Variants in PTK2 observed in about 807,000 individuals in gnomAD.
PTK2 encodes protein tyrosine kinase 2, also known as focal adhesion kinase 1.
Under a neutral mutation model 150.1 loss-of-function variants are expected in PTK2, and 45 were observed. That is an observed-to-expected ratio of 0.30 (90% CI 0.24 to 0.38). PTK2 has a LOEUF of 0.38. PTK2 is among the 10% of genes least tolerant of loss of function. The pLI, the probability that PTK2 is intolerant of heterozygous loss-of-function variation, is 1.00. For missense variants in PTK2, 919 were observed against 1,307.3 expected, an observed-to-expected ratio of 0.70 and a Z score of 4.58; for synonymous variants, 432 against 449.2, an observed-to-expected ratio of 0.96 and a Z score of 0.48.
intron 1 of PTK2, chr8:140,940,601 G>A (rs1016038766): frequency 6.6e-6 from 1 of 152,176 alleles, no homozygotes. Flanking sequence ...GCTAAGCAGC[G>A]TGGGGCCTGG....
At chr8:140,800,620 C>T in intron 11 of PTK2, 44 bp from the exon 12 acceptor site, 1 of 1,492,944 alleles carries the variant, frequency 6.7e-7, no homozygotes, top group Non-Finnish European at 9.3e-7. Flanking sequence ...TTGTTCTTCC[C>T]AGTAAGCAAA....
chr8:140,713,674 C>T (rs896421123), intron 23 of PTK2, among the ~76,000 whole-genome samples: 1 of 152,156 alleles, frequency 6.6e-6, no homozygotes, highest in Non-Finnish European at 1.5e-5. Context: ...TGGGAATCTG[C>T]AGGAAAGCAA....
intron 26 of PTK2, among the ~76,000 whole-genome samples, chr8:140,698,746 C>G (rs146493123): frequency 2.1e-4 from 32 of 152,306 alleles, no homozygotes; most frequent in African/African-American, 7.2e-4. Context: ...TCCTGAATAG[C>G]TGGGATTACA....
chr8:140,673,823 A>T (rs1032546367), intron 29 of PTK2, among the ~76,000 whole-genome samples: 1 of 152,152 alleles, frequency 6.6e-6, no homozygotes, highest in Non-Finnish European at 1.5e-5. Context: ...TGGTTTGAGG[A>T]TGGCTCTACT....
intron 3 of PTK2, among the ~76,000 whole-genome samples, chr8:140,888,767 T>C (rs1399034710): frequency 8.2e-6 from 1 of 121,690 alleles, no homozygotes; most frequent in Admixed American, 7.8e-5. Flanking sequence ...GTCTTGAACA[T>C]TTTTGCTAAA....
chr8:140,879,966 C>T (rs374842853), intron 3 of PTK2, among the ~76,000 whole-genome samples: 8 of 152,226 alleles, frequency 5.3e-5, no homozygotes, highest in South Asian at 4.1e-4. Context: ...GTCATCACCC[C>T]CCAACCTGTC....
intron 8 of PTK2, among the ~76,000 whole-genome samples, chr8:140,828,346 G>C (rs770296152): frequency 6.6e-6 from 1 of 152,124 alleles, no homozygotes; most frequent in African/African-American, 2.4e-5. Context: ...GTCCTCTACC[G>C]AACCTCTTTG....
intron 7 of PTK2, among the ~76,000 whole-genome samples, chr8:140,834,098 C>T (rs2100117206): frequency 6.6e-6 from 1 of 152,214 alleles, no homozygotes; most frequent in South Asian, 2.1e-4. Flanking sequence ...CTAGGTGGGG[C>T]AGTCACAGAA....
chr8:140,889,216 T>C (rs1486639829), intron 3 of PTK2, among the ~76,000 whole-genome samples: 1 of 152,090 alleles, frequency 6.6e-6, no homozygotes, highest in African/African-American at 2.4e-5. Context: ...TACAAGACTT[T>C]AGCCTTAAAT....
At chr8:140,812,442 A>G (rs2100102152) in intron 10 of PTK2, among the ~76,000 whole-genome samples, 1 of 152,230 alleles carries the variant, frequency 6.6e-6, no homozygotes, top group South Asian at 2.1e-4. Flanking sequence ...AACCATCACA[A>G]AAACACAGAC....
chr8:140,660,838 CCTT>C (rs1366298667), intron 31 of PTK2, among the ~76,000 whole-genome samples: 1 of 152,186 alleles, frequency 6.6e-6, no homozygotes, highest in Non-Finnish European at 1.5e-5. Context: ...GTCTCATGAT[CCTT>C]CTTATCTGTT....
At chr8:140,967,651 G>C (rs941609815) in intron 1 of PTK2, among the ~76,000 whole-genome samples, 1 of 151,848 alleles carries the variant, frequency 6.6e-6, no homozygotes, top group South Asian at 2.1e-4. Context: ...GTAGAGACAG[G>C]GTTTCACCAT....
intron 22 of PTK2, among the ~76,000 whole-genome samples, chr8:140,721,032 T>C (rs1427119387): frequency 1.3e-5 from 2 of 151,618 alleles, no homozygotes; most frequent in Non-Finnish European, 2.9e-5. Flanking sequence ...GCTGGGATTA[T>C]AGGCATGAGC....
At chr8:140,779,985 A>C (rs1267354647) in intron 14 of PTK2, among the ~76,000 whole-genome samples, 1 of 152,196 alleles carries the variant, frequency 6.6e-6, no homozygotes, top group Admixed American at 6.5e-5. Context: ...TGAAAAACAC[A>C]CAAATTCATA....
chr8:140,993,823 A>G (rs747284402), intron 1 of PTK2, among the ~76,000 whole-genome samples: 1 of 152,026 alleles, frequency 6.6e-6, no homozygotes, highest in African/African-American at 2.4e-5. Flanking sequence ...TCGACCTCCC[A>G]GACTCAAGTG....
chr8:140,913,006 C>A (rs1161428072), intron 2 of PTK2, among the ~76,000 whole-genome samples: 1 of 151,974 alleles, frequency 6.6e-6, no homozygotes, highest in African/African-American at 2.4e-5. Flanking sequence ...CTAGAGTTAA[C>A]AAACTTAACA....
At chr8:140,929,277 C>T (rs75828494) in intron 1 of PTK2, among the ~76,000 whole-genome samples, 1,831 of 152,178 alleles carry the variant, frequency 0.012, 33 homozygotes, top group East Asian at 0.093. Context: ...AATTTTTTAA[C>T]TTAAAAAATG....
intron 27 of PTK2, among the ~76,000 whole-genome samples, chr8:140,677,029 T>C (rs1050922489): frequency 5.9e-5 from 9 of 151,534 alleles, no homozygotes; most frequent in Admixed American, 1.3e-4. Flanking sequence ...ACTTCACCAC[T>C]ATGCAATATA....
In PTK2 at chr8:140,796,778, G is replaced by A. The variant is rs146368977; in HGVS notation, c.1094-3394C>T. Among the ~76,000 whole-genome samples the A allele has an allele frequency of 6.8e-3, 1,029 of 152,200 alleles. 12 individuals are homozygous for A. Among genetic ancestry groups the A allele is most frequent in the African/African-American group, 0.023 (967 of 41,504 alleles). The stretch of plus-strand genomic sequence containing the variant: ...TGGGAGTTAATGTTTTTGTTCAAAT[G>A]TACTTCCATTCTTCTTAGAAGTGTT... On this transcript the variant is annotated intron_variant, in intron 12 of 31. Coordinates refer to ENST00000522684, the Ensembl canonical transcript of PTK2.
Sources: allele counts gnomAD v4.1 joint callset (sites outside exome capture counted in the v4.1 genomes callset), GRCh38; gene constraint gnomAD v4.1.1; transcripts MANE v1.5; gene names NCBI Gene and HGNC (gene_info 2026-07-23, HGNC 2026-07-21).